Variants in SORCS2 observed in about 807,000 individuals in gnomAD.
The protein encoded by SORCS2 is sortilin related VPS10 domain containing receptor 2.
In SORCS2, 100 loss-of-function variants were observed where a neutral mutation model predicts 141.6. That is an observed-to-expected ratio of 0.71 (90% confidence interval 0.60 to 0.83). The LOEUF is 0.83. Among genes scored for constraint, SORCS2 ranks in the 40% least tolerant of loss-of-function variants. SORCS2 has a pLI of 0.00. For missense variants in SORCS2, 1,646 were observed against 1,560.2 expected (o/e 1.05, Z -0.93); for synonymous variants, 789 against 676.9 (o/e 1.17, Z -2.57).
At chr4:7,366,653 G>A (rs1401410769) in intron 1 of SORCS2, among the ~76,000 whole-genome samples, 5 of 152,030 alleles carry the variant, frequency 3.3e-5, no homozygotes, top group African/African-American at 1.2e-4. Context: ...CAAGGTCTCA[G>A]CTCCTTGTCA....
At chr4:7,505,425 A>G in intron 2 of SORCS2, among the ~76,000 whole-genome samples, 1 of 152,026 alleles carries the variant, frequency 6.6e-6, no homozygotes, top group Non-Finnish European at 1.5e-5. Context: ...CAGTCCCCGC[A>G]TCAGGAGATG....
intron 3 of SORCS2, among the ~76,000 whole-genome samples, chr4:7,586,182 AT>A (rs999598925): frequency 6.6e-6 from 1 of 151,854 alleles, no homozygotes; most frequent in African/African-American, 2.4e-5. Context: ...CTTTAGGGCC[AT>A]TTTTTCCCTC....
At chr4:7,417,169 G>A (rs1004439431) in intron 2 of SORCS2, among the ~76,000 whole-genome samples, 5 of 152,196 alleles carry the variant, frequency 3.3e-5, no homozygotes, top group Non-Finnish European at 7.3e-5. Flanking sequence ...CCATAAACCT[G>A]TTTACAGGGC....
At chr4:7,410,472 T>C (rs1231559697) in intron 2 of SORCS2, among the ~76,000 whole-genome samples, 2 of 152,208 alleles carry the variant, frequency 1.3e-5, no homozygotes, top group African/African-American at 2.4e-5. Flanking sequence ...GGGTCTCCTC[T>C]GTAAAATGAG....
rs1727354978 is a variant in SORCS2, at chr4:7,728,233, G to C, written c.2870-117G>C. On this transcript the variant is annotated intron_variant, in intron 21 of 26. Transcript: ENST00000507866. The stretch of plus-strand genomic sequence containing the variant: ...ATGGGGCTGCTGGGCCCTGGGATCT[G>C]AATCAAAGGCCTCCCGGGACCATCC... The C allele has an allele frequency of 7.7e-5, 51 of 660,250 alleles. 1 individual carries two copies. The South Asian group carries it at 9.4e-4, about 12-fold the overall frequency. 40.9% of individuals were successfully genotyped at this position (660,250 alleles called of 1,614,324 possible). A position where few individuals can be genotyped will look rare whatever the true frequency, so the allele number is the denominator to read the frequency against.
chr4:7,542,534 C>G (rs1247107535), intron 3 of SORCS2, among the ~76,000 whole-genome samples: 1 of 152,002 alleles, frequency 6.6e-6, no homozygotes, highest in Non-Finnish European at 1.5e-5. Flanking sequence ...GGCCTTGGAG[C>G]CCACGACACC....
intron 2 of SORCS2, among the ~76,000 whole-genome samples, chr4:7,436,959 A>T (rs1197240965): frequency 6.6e-6 from 1 of 151,676 alleles, no homozygotes; most frequent in Non-Finnish European, 1.5e-5. Flanking sequence ...GCCCGTTCCC[A>T]CTCCCCTCAG....
At chr4:7,402,316 C>T (rs750893748) in intron 2 of SORCS2, among the ~76,000 whole-genome samples, 2 of 152,188 alleles carry the variant, frequency 1.3e-5, no homozygotes, top group Non-Finnish European at 2.9e-5. Flanking sequence ...GTGGGTCATC[C>T]CCCTTTTATA....
At chr4:7,476,455 A>G (rs1270865682) in intron 2 of SORCS2, among the ~76,000 whole-genome samples, 1 of 152,054 alleles carries the variant, frequency 6.6e-6, no homozygotes, top group Non-Finnish European at 1.5e-5. Context: ...ATAAGGCCTC[A>G]TGTTATTTTG....
chr4:7,739,869 G>A (rs573604096), intron 26 of SORCS2, among the ~76,000 whole-genome samples: 2 of 152,172 alleles, frequency 1.3e-5, no homozygotes, highest in African/African-American at 2.4e-5. Context: ...AGGAGGGGGC[G>A]GAGCCTCAGC....
intron 1 of SORCS2, among the ~76,000 whole-genome samples, chr4:7,222,382 C>T (rs1029524471): frequency 2.0e-5 from 3 of 152,278 alleles, no homozygotes; most frequent in Non-Finnish European, 2.9e-5. Flanking sequence ...AAGCCAGCCA[C>T]GAACAGCCAC....
chr4:7,308,281 C>T (rs1005001894), intron 1 of SORCS2, among the ~76,000 whole-genome samples: 2 of 152,170 alleles, frequency 1.3e-5, no homozygotes, highest in Admixed American at 1.3e-4. Flanking sequence ...AGGAGCACCC[C>T]CACCACCGCC....
intron 3 of SORCS2, among the ~76,000 whole-genome samples, chr4:7,540,953 G>C (rs1274746560): frequency 6.6e-6 from 1 of 152,228 alleles, no homozygotes; most frequent in African/African-American, 2.4e-5. Context: ...GCTGCCCTCA[G>C]GTCAGAGCCA....
intron 2 of SORCS2, among the ~76,000 whole-genome samples, chr4:7,454,888 G>C (rs1237773955): frequency 7.5e-5 from 10 of 132,768 alleles, no homozygotes; most frequent in Middle Eastern, 5.3e-3. Context: ...TTGGGGTCAG[G>C]TGCTGTGTTG....
At chr4:7,395,467 C>G (rs1724150388) in intron 1 of SORCS2, among the ~76,000 whole-genome samples, 1 of 152,222 alleles carries the variant, frequency 6.6e-6, no homozygotes, top group African/African-American at 2.4e-5. Context: ...CATGAAAACG[C>G]AGTGGCTGGT....
chr4:7,425,276 G>A (rs567880921), intron 2 of SORCS2, among the ~76,000 whole-genome samples: 1 of 152,214 alleles, frequency 6.6e-6, no homozygotes, highest in Non-Finnish European at 1.5e-5. Flanking sequence ...GGACTGGCCT[G>A]TGTGGCCTTT....
Position 7,689,586 on chromosome 4 carries a change from C to A in SORCS2, c.1589C>A (p.Ala530Glu), listed in dbSNP as rs867190930. The A allele has an allele frequency of 1.3e-6, 2 of 1,583,558 alleles. No individual in the cohort carries two copies. Among genetic ancestry groups the A allele is most frequent in the African/African-American group, 2.7e-5 (2 of 74,174 alleles). Residue 530 changes from alanine to glutamate, a missense_variant and splice_region_variant, in exon 11 of 27, where the codon GCA becomes GAA. Transcript: ENST00000507866. ...ACCGCCCCAGGCCTCATCATGGGTG[C>A]AGGTAGGTGGCTTCCATCACAGGTG... ...KDTAPGLIMG[A>E]GNLGSQLVEY...
chr4:7,203,232 G>T (rs191801207), intron 1 of SORCS2, among the ~76,000 whole-genome samples: 1 of 152,212 alleles, frequency 6.6e-6, no homozygotes, highest in Non-Finnish European at 1.5e-5. Flanking sequence ...AGGAGTTTGA[G>T]ATCAGCCTGG....
At chr4:7,674,870 C>T (rs1468153948) in intron 8 of SORCS2, among the ~76,000 whole-genome samples, 2 of 152,060 alleles carry the variant, frequency 1.3e-5, no homozygotes. Context: ...AGGGAGCCAT[C>T]CCCAAGCATC....
Sources: gnomAD v4.1 joint callset for allele counts (sites outside exome capture counted in the v4.1 genomes callset) on GRCh38, gnomAD v4.1.1 for gene constraint, MANE v1.5 for transcripts, NCBI Gene and HGNC (gene_info 2026-07-23, HGNC 2026-07-21) for gene names.